NAV2: variants seen among roughly 807,000 people sequenced by gnomAD.
NAV2 encodes neuron navigator 2, also known as helicase, APC down-regulated 1.
NAV2 carries 54 observed loss-of-function variants against 223.2 expected under a neutral mutation model. That is an observed-to-expected ratio of 0.24 (90% CI 0.19 to 0.30). The LOEUF is 0.30. NAV2 is among the 10% of genes least tolerant of loss of function. NAV2 has a pLI of 1.00. For synonymous variants in NAV2, 1,279 were observed against 1,239.3 expected (o/e 1.03, Z -0.67); for missense variants, 2,806 against 3,147.5 (o/e 0.89, Z 2.60).
chr11:19,521,684 AGTCTTTTGTGTCTG>A (rs1169906591), intron 1 of NAV2, among the ~76,000 whole-genome samples: 2 of 152,158 alleles, frequency 1.3e-5, no homozygotes, highest in African/African-American at 4.8e-5. Flanking sequence ...CAAGGGCTTC[AGTCTTTTGTGTCTG>A]GTCTTCACAA....
intron 1 of NAV2, among the ~76,000 whole-genome samples, chr11:19,449,983 G>T (rs1851734735): frequency 6.6e-6 from 1 of 152,128 alleles, no homozygotes; most frequent in Non-Finnish European, 1.5e-5. Flanking sequence ...GGAAAGACAT[G>T]ACAGGAAGGG....
At chr11:19,883,597 A>C (rs1295483227) in intron 5 of NAV2, among the ~76,000 whole-genome samples, 1 of 152,190 alleles carries the variant, frequency 6.6e-6, no homozygotes, top group African/African-American at 2.4e-5. Context: ...AAAACCAATA[A>C]ATTATTTCTT....
intron 1 of NAV2, among the ~76,000 whole-genome samples, chr11:19,389,076 T>C (rs1160483351): frequency 6.6e-6 from 1 of 152,238 alleles, no homozygotes; most frequent in Non-Finnish European, 1.5e-5. Context: ...CTTTGTAATC[T>C]AGCTCACAGC....
intron 1 of NAV2, among the ~76,000 whole-genome samples, chr11:19,450,646 G>A (rs1319050356): frequency 6.6e-6 from 1 of 152,138 alleles, no homozygotes; most frequent in East Asian, 1.9e-4. Flanking sequence ...TTTGACTTTT[G>A]AATTAATGTC....
Position 20,118,297 on chromosome 11 carries a change from C to T in NAV2, c.*39C>T, listed in dbSNP as rs371342170. On this transcript the variant is annotated 3_prime_UTR_variant, in exon 38 of 38. Coordinates refer to ENST00000349880, the MANE Select transcript of NAV2 (RefSeq NM_145117.5). Reference sequence around the variant, plus strand: ...CCCAGCGCCCTCCTCTTCTCCTCACCGCATTCCACCTGCATCCCCCACATC... The same window carrying T: ...CCCAGCGCCCTCCTCTTCTCCTCACTGCATTCCACCTGCATCCCCCACATC... 2.1e-4 allele frequency: 345 copies of T among 1,607,578 alleles called. No homozygotes were observed. The highest frequency in any genetic ancestry group is 1.6e-3 in the East Asian group (71 of 44,768).
At position 20,053,218 on chromosome 11, in the gene NAV2, GAAAAAAAA is replaced by G. The variant is rs60421659; in HGVS notation, c.4482-844_4482-837del. On this transcript the variant is annotated intron_variant, in intron 17 of 37. Transcript: ENST00000349880. Reference sequence around the variant, plus strand: ...GGGCAGTAGAGCAAGACTACGTCTCGAAAAAAAAAAAAAAAAAAAAAAAAAGGAAAGAA... The same window carrying G: ...GGGCAGTAGAGCAAGACTACGTCTCGAAAAAAAAAAAAAAAAAGGAAAGAA... Among the ~76,000 whole-genome samples, 20 of 40,970 alleles carry G rather than the reference GAAAAAAAA, an allele frequency of 4.9e-4. 1 individual carries two copies. The highest frequency in any genetic ancestry group is 4.0e-3 in the South Asian group (2 of 500). The allele number at this position is 40,970 out of a possible 152,430, so 26.9% of individuals were successfully genotyped here. A position where few individuals can be genotyped will look rare whatever the true frequency, so the allele number is the denominator to read the frequency against.
At chr11:20,045,769 A>G (rs1056961612) in intron 14 of NAV2, 99 bp downstream of exon 14, 4 of 995,496 alleles carry the variant, frequency 4.0e-6, no homozygotes, top group Admixed American at 2.7e-5. Context: ...GTTTTTCTCC[A>G]CTTTAGTCCT....
rs1176528228 is a variant in NAV2, at chr11:19,998,874, G to A, written c.2768+14627G>A. ...TATTTGACATCTCTTACTTTCATGT[G>A]TGTTAATTTTTATTTATTTGCCTGT... On this transcript the variant is annotated intron_variant, in intron 11 of 37. Transcript: ENST00000349880. This position sits in a 1 kb window ranked among gnomAD's most constrained non-coding sequence, Gnocchi z 5.0. 6.6e-6 allele frequency among the ~76,000 whole-genome samples: 1 copy of A among 152,084 alleles called. No individual in the cohort carries two copies. The highest frequency in any genetic ancestry group is 1.5e-5 in the Non-Finnish European group (1 of 68,032).
chr11:19,448,618 G>C (rs750285775), intron 1 of NAV2, among the ~76,000 whole-genome samples: 3 of 152,198 alleles, frequency 2.0e-5, no homozygotes, highest in Non-Finnish European at 4.4e-5. Context: ...TGGGCTGTAA[G>C]TATTCATTAT....
intron 6 of NAV2, among the ~76,000 whole-genome samples, chr11:19,906,807 C>T (rs1004869119): frequency 2.6e-5 from 4 of 152,136 alleles, no homozygotes; most frequent in Admixed American, 6.5e-5. Context: ...AGTAGAACTC[C>T]GCAAAACAGG....
intron 1 of NAV2, among the ~76,000 whole-genome samples, chr11:19,558,638 A>G (rs1199349481): frequency 6.6e-6 from 1 of 152,252 alleles, no homozygotes; most frequent in East Asian, 1.9e-4. Flanking sequence ...TGTGAACAGC[A>G]TGCAATTTAT....
chr11:19,431,817 A>G (rs544565401), intron 1 of NAV2, among the ~76,000 whole-genome samples: 2 of 152,382 alleles, frequency 1.3e-5, no homozygotes, highest in South Asian at 4.1e-4. Flanking sequence ...CTGGCTTAGC[A>G]GCAGCTAGGA....
intron 1 of NAV2, among the ~76,000 whole-genome samples, chr11:19,704,515 T>C (rs2049601092): frequency 6.6e-6 from 1 of 152,214 alleles, no homozygotes; most frequent in Non-Finnish European, 1.5e-5. Flanking sequence ...CTCAAACCTC[T>C]CTGGGCCTCA....
At chr11:20,042,262 A>G (rs2056993385) in intron 12 of NAV2, among the ~76,000 whole-genome samples, 1 of 152,242 alleles carries the variant, frequency 6.6e-6, no homozygotes, top group South Asian at 2.1e-4. Flanking sequence ...CTGATTAAAT[A>G]GAGGCTGAGA....
At chr11:19,405,212 A>C (rs1590139031) in intron 1 of NAV2, among the ~76,000 whole-genome samples, 1 of 152,212 alleles carries the variant, frequency 6.6e-6, no homozygotes, top group East Asian at 1.9e-4. Context: ...TGCTCTGCCA[A>C]GTGAGTGGGC....
At chr11:19,620,033 T>C (rs1344665647) in intron 1 of NAV2, among the ~76,000 whole-genome samples, 2 of 152,240 alleles carry the variant, frequency 1.3e-5, no homozygotes, top group Non-Finnish European at 2.9e-5. Flanking sequence ...TCCCCATTTC[T>C]TGTTTTTGTC....
chr11:20,077,350 G>C (rs866347115), intron 22 of NAV2, among the ~76,000 whole-genome samples: 2 of 151,972 alleles, frequency 1.3e-5, no homozygotes, highest in Non-Finnish European at 2.9e-5. Flanking sequence ...CCCTAAGATG[G>C]GAAGGAGCAC....
At chr11:19,632,014 C>T (rs969387868) in intron 1 of NAV2, among the ~76,000 whole-genome samples, 2 of 152,236 alleles carry the variant, frequency 1.3e-5, no homozygotes, top group African/African-American at 4.8e-5. Context: ...CCACTTCTTA[C>T]TTTACTCTGG....
intron 1 of NAV2, among the ~76,000 whole-genome samples, chr11:19,452,439 C>T (rs189202038): frequency 3.9e-5 from 6 of 152,240 alleles, no homozygotes; most frequent in Admixed American, 3.9e-4. Flanking sequence ...AGGACAGGTT[C>T]CTTGTCTAGC....
Sources: gnomAD v4.1 joint callset for allele counts (sites outside exome capture counted in the v4.1 genomes callset) on GRCh38, gnomAD v4.1.1 for gene constraint, Gnocchi (gnomAD v3.1) non-coding constraint, MANE v1.5 for transcripts, NCBI Gene and HGNC (gene_info 2026-07-23, HGNC 2026-07-21) for gene names.